Variants in COL19A1 observed in about 807,000 individuals in gnomAD.
COL19A1 encodes collagen type XIX alpha 1 chain.
A neutral mutation model predicts 190.2 loss-of-function variants in COL19A1; 159 were observed. The ratio of observed to expected loss-of-function variants is 0.84; its 90% CI spans 0.73 to 0.95. The LOEUF (loss-of-function observed/expected upper bound fraction) is 0.95. COL19A1 is among the 40% of genes least tolerant of loss of function. The pLI, the probability that COL19A1 is intolerant of heterozygous loss-of-function variation, is 0.00. For synonymous variants in COL19A1, 509 were observed against 458.9 expected (o/e 1.11, Z -1.39); for missense variants, 1,418 against 1,431.9 (o/e 0.99, Z 0.16).
Position 70,035,942 on chromosome 6 carries a change from A to G in COL19A1, c.1170+3A>G. 6.2e-7 allele frequency: 1 copy of G among 1,613,224 alleles called. No homozygotes were observed. The highest frequency in any genetic ancestry group is 8.5e-7 in the Non-Finnish European group (1 of 1,179,218). On this transcript the variant is annotated splice_donor_region_variant and intron_variant, in intron 14 of 50. Transcript: ENST00000620364. ...CCCCAGGACCACCAGCCTTACCTGT[A>G]AGTATTCTTGAAATCAAAATTCAAA...
In COL19A1 at chr6:70,144,954, C is replaced by T; in HGVS notation, c.1717C>T (p.Pro573Ser). The T allele has an allele frequency of 6.3e-7, 1 of 1,593,324 alleles. No individual in the cohort carries two copies. Among genetic ancestry groups the T allele is most frequent in the Middle Eastern group, 1.7e-4 (1 of 6,020 alleles). Residue 573 changes from proline (P) to serine (S), a missense_variant, in exon 25 of 51, where the codon CCA becomes TCA. Physicochemically the swap from Pro to Ser is moderately conservative, Grantham distance 74 (BLOSUM62 -1). Coordinates refer to ENST00000620364, the MANE Select transcript of COL19A1 (RefSeq NM_001858.6). ...TGGGATCATAGGCCCTCCCGGGCTT[C>T]CAGGTCCAAAAGGTGAGGCTGGTCC... ...PGGIIGPPGL[P>S]GPKGEAGPPG...
At chr6:70,006,942 A>C (rs1395748997) in intron 11 of COL19A1, among the ~76,000 whole-genome samples, 1 of 152,112 alleles carries the variant, frequency 6.6e-6, no homozygotes, top group Non-Finnish European at 1.5e-5. Flanking sequence ...AAAAAAAGCT[A>C]AAAATTTATG....
Position 70,156,782 on chromosome 6 carries a change from C to T in COL19A1, c.2292+59C>T, listed in dbSNP as rs376606238. The T allele has an allele frequency of 2.7e-5, 38 of 1,386,660 alleles. No individual in the cohort carries two copies. In the African/African-American group the frequency reaches 5.1e-4, roughly 19 times the overall value. The allele number at this position is 1,386,660 out of a possible 1,614,324, so 85.9% of individuals were successfully genotyped here. On this transcript the variant is annotated intron_variant, in intron 34 of 50. Coordinates refer to ENST00000620364, the MANE Select transcript of COL19A1 (RefSeq NM_001858.6). ...TATTGATTCTCTTTACGTGGCTCAA[C>T]AGAGTAAAAATGTTAATTTTTCTAT...
At position 69,869,601 on chromosome 6, in the gene COL19A1, A is replaced by G. The variant is rs1423301240; in HGVS notation, c.-33+2961A>G. ...GAATTTGAAAATACGGCCATATATT[A>G]TATATTAATTTAAGATGATATTGGA... On this transcript the variant is annotated intron_variant, in intron 1 of 50. Transcript: ENST00000620364. Among the ~76,000 whole-genome samples the G allele has an allele frequency of 2.6e-5, 4 of 152,224 alleles. No homozygotes were observed. The South Asian group carries it at 8.3e-4, about 31-fold the overall frequency.
intron 40 of COL19A1, among the ~76,000 whole-genome samples, chr6:70,169,215 G>A (rs898507626): frequency 6.6e-6 from 1 of 152,142 alleles, no homozygotes; most frequent in African/African-American, 2.4e-5. Flanking sequence ...TCCTCCAGCC[G>A]CCTAAAGGAC....
chr6:70,001,850 C>T (rs562088645), intron 11 of COL19A1, among the ~76,000 whole-genome samples: 7 of 152,056 alleles, frequency 4.6e-5, no homozygotes, highest in Admixed American at 3.9e-4. Flanking sequence ...ATTTGAATAC[C>T]CTTTATTTCT....
intron 2 of COL19A1, among the ~76,000 whole-genome samples, chr6:69,888,946 T>G (rs1661724052): frequency 1.3e-5 from 2 of 152,154 alleles, no homozygotes; most frequent in Admixed American, 1.3e-4. Flanking sequence ...ATTGGCAAAG[T>G]AGGATGTGTA....
chr6:70,065,635 G>A (rs1390141864), intron 14 of COL19A1, among the ~76,000 whole-genome samples: 2 of 152,284 alleles, frequency 1.3e-5, no homozygotes, highest in East Asian at 1.9e-4. Context: ...AAGAGCTTCT[G>A]CACAGCAAAA....
intron 15 of COL19A1, among the ~76,000 whole-genome samples, chr6:70,100,043 C>A (rs539697825): frequency 6.6e-6 from 1 of 152,128 alleles, no homozygotes; most frequent in Non-Finnish European, 1.5e-5. Flanking sequence ...ATTAACTCTG[C>A]GATAAAAGTT....
intron 15 of COL19A1, among the ~76,000 whole-genome samples, chr6:70,083,309 T>G (rs1782387106): frequency 6.6e-6 from 1 of 152,324 alleles, no homozygotes; most frequent in East Asian, 1.9e-4. Flanking sequence ...TATACACACT[T>G]TAAATAAAGT....
Position 70,146,008 on chromosome 6 carries a change from T to C in COL19A1, c.1771-651T>C, listed in dbSNP as rs532520644. ...AGTGCTGGGATTACAGACATCTTAC[T>C]CTATAAATCAGAGATAAAACCTCTT... On this transcript the variant is annotated intron_variant, in intron 25 of 50. Transcript: ENST00000620364. Among the ~76,000 whole-genome samples, 6 of 152,100 alleles carry C rather than the reference T, an allele frequency of 3.9e-5. No homozygotes were observed. The South Asian group carries it at 1.2e-3, about 32-fold the overall frequency.
chr6:69,916,849 A>G (rs1287003726), intron 4 of COL19A1, among the ~76,000 whole-genome samples: 1 of 152,222 alleles, frequency 6.6e-6, no homozygotes. Flanking sequence ...AGAAAGCTCA[A>G]AAAGATACAA....
At chr6:69,943,109 A>T (rs1437199581) in intron 9 of COL19A1, among the ~76,000 whole-genome samples, 1 of 152,038 alleles carries the variant, frequency 6.6e-6, no homozygotes, top group Non-Finnish European at 1.5e-5. Context: ...GTAAGATGAT[A>T]TCTCATTTTG....
Position 70,100,743 on chromosome 6 carries a change from G to T in COL19A1, c.1225-1426G>T, listed in dbSNP as rs961532486. On this transcript the variant is annotated intron_variant, in intron 15 of 50. Transcript: ENST00000620364. ...TCCGCCTGCCTCGGCCTCCCAAAGT[G>T]CTGGGATTACAGTTGTGAGCCACCA... 7.2e-5 allele frequency among the ~76,000 whole-genome samples: 11 copies of T among 151,816 alleles called. No homozygotes were observed. In the East Asian group the frequency reaches 2.1e-3, roughly 29 times the overall value.
intron 16 of COL19A1, 147 bp downstream of exon 16, chr6:70,102,369 T>G: frequency 1.5e-6 from 1 of 647,452 alleles, no homozygotes; most frequent in Non-Finnish European, 2.8e-6. Flanking sequence ...GGATGAGTAG[T>G]TCATACTCTC....
rs1189766363 is a variant in COL19A1 at position 69,898,935 on chromosome 6, T to A, written c.92-13T>A. On this transcript the variant is annotated splice_polypyrimidine_tract_variant and intron_variant, in intron 2 of 50. Transcript: ENST00000620364. ...TAATGCAAATCCTCTATGCTTTTTTTCTTTTTAAATAGAAGAGTCATGCCC... is the reference window on the plus strand; with the variant it reads ...TAATGCAAATCCTCTATGCTTTTTTACTTTTTAAATAGAAGAGTCATGCCC... 1 of 1,558,218 alleles carries A rather than the reference T, an allele frequency of 6.4e-7. No homozygotes were observed. Among genetic ancestry groups the A allele is most frequent in the East Asian group, 2.2e-5 (1 of 44,474 alleles).
Position 70,211,850 on chromosome 6 carries a change from A to G in COL19A1, c.*4576A>G, listed in dbSNP as rs73746900. On this transcript the variant is annotated 3_prime_UTR_variant, in exon 51 of 51. Transcript: ENST00000620364. ...GGACAAGTAGACCCAGCACAGCAAA[A>G]ATTTGTCTGAAAGATAAGACAAGCT... Among the ~76,000 whole-genome samples, 71 of 152,142 alleles carry G rather than the reference A, an allele frequency of 4.7e-4. No individual in the cohort carries two copies. The highest frequency in any genetic ancestry group is 1.7e-3 in the African/African-American group (70 of 41,528).
Position 69,922,932 on chromosome 6 carries a change from A to G in COL19A1, c.267-4977A>G, listed in dbSNP as rs117820769. On this transcript the variant is annotated intron_variant, in intron 4 of 50. Coordinates refer to ENST00000620364, the MANE Select transcript of COL19A1 (RefSeq NM_001858.6). ...TTTGTGAGTGATACAAAGTATGTTAAATGCTGTGCTTGCTTTCAAAGAGCT... is the reference window on the plus strand; with the variant it reads ...TTTGTGAGTGATACAAAGTATGTTAGATGCTGTGCTTGCTTTCAAAGAGCT... Among the ~76,000 whole-genome samples, 117 of 152,284 alleles carry G rather than the reference A, an allele frequency of 7.7e-4. 2 individuals are homozygous for G. The East Asian group carries it at 0.02, about 26-fold the overall frequency.
chr6:70,165,033 A>C (rs755786248), intron 36 of COL19A1, among the ~76,000 whole-genome samples: 1 of 152,214 alleles, frequency 6.6e-6, no homozygotes, highest in Non-Finnish European at 1.5e-5. Flanking sequence ...ATTCTTGGAC[A>C]TTGTGAGTAG....
Sources: gnomAD v4.1 joint callset for allele counts (sites outside exome capture counted in the v4.1 genomes callset) on GRCh38, gnomAD v4.1.1 for gene constraint, MANE v1.5 for transcripts, NCBI Gene and HGNC (gene_info 2026-07-23, HGNC 2026-07-21) for gene names.